GPC5: variants seen among roughly 807,000 people sequenced by gnomAD.
GPC5 encodes glypican-5.
Under a neutral mutation model 53.9 loss-of-function variants are expected in GPC5, and 47 were observed. The ratio of observed to expected loss-of-function variants is 0.87; its 90% confidence interval spans 0.69 to 1.11. The LOEUF (loss-of-function observed/expected upper bound fraction) is 1.11, where lower values mean the gene tolerates loss of function less well. GPC5 is among the 50% of genes most tolerant of loss of function. GPC5 has a pLI of 0.00. For synonymous variants in GPC5, 286 were observed against 263.3 expected (o/e 1.09, Z -0.84); for missense variants, 748 against 713.1 (o/e 1.05, Z -0.56).
At chr13:92,084,268 C>A (rs1271684470) in intron 6 of GPC5, among the ~76,000 whole-genome samples, 1 of 152,138 alleles carries the variant, frequency 6.6e-6, no homozygotes, top group Non-Finnish European at 1.5e-5. Context: ...CACATGTATC[C>A]CAGAACTTAA....
chr13:92,679,550 A>G (rs1225572379), intron 7 of GPC5, among the ~76,000 whole-genome samples: 1 of 152,192 alleles, frequency 6.6e-6, no homozygotes, highest in Admixed American at 6.5e-5. Context: ...ACTAATTTGC[A>G]TGAATTACTT....
rs1485081515 is a variant in GPC5 at position 92,749,203 on chromosome 13, G to C, written c.1562-117079G>C. 2.0e-5 allele frequency among the ~76,000 whole-genome samples: 3 copies of C among 152,090 alleles called. 1 individual carries two copies. In the South Asian group the frequency reaches 6.2e-4, roughly 32 times the overall value. ...TAACATAGCTTATTTAGACGAAATA[G>C]GTAAAATCCAAACAAATTTGGCAGA... On this transcript the variant is annotated intron_variant, in intron 7 of 7. Coordinates refer to ENST00000377067, the MANE Select transcript of GPC5 (RefSeq NM_004466.6).
At chr13:91,631,168 A>G (rs2034148331) in intron 2 of GPC5, among the ~76,000 whole-genome samples, 1 of 152,174 alleles carries the variant, frequency 6.6e-6, no homozygotes, top group Non-Finnish European at 1.5e-5. Flanking sequence ...TGGGTGACTT[A>G]AGGCCTTAGG....
intron 7 of GPC5, among the ~76,000 whole-genome samples, chr13:92,450,180 A>G (rs1430308534): frequency 3.3e-5 from 5 of 152,136 alleles, no homozygotes; most frequent in Admixed American, 6.6e-5. Context: ...GAAGATATAT[A>G]TATTCACTGG....
At chr13:92,370,670 G>A (rs1479678559) in intron 7 of GPC5, among the ~76,000 whole-genome samples, 1 of 152,078 alleles carries the variant, frequency 6.6e-6, no homozygotes, top group Non-Finnish European at 1.5e-5. Context: ...TTGTTTAGAT[G>A]TTTTACTCTT....
intron 2 of GPC5, among the ~76,000 whole-genome samples, chr13:91,598,783 C>T (rs1465835382): frequency 6.6e-6 from 1 of 151,924 alleles, no homozygotes; most frequent in African/African-American, 2.4e-5. Context: ...GAAATAGTGC[C>T]CCCTCCTCAT....
At chr13:92,682,997 G>T (rs888512436) in intron 7 of GPC5, among the ~76,000 whole-genome samples, 3 of 152,160 alleles carry the variant, frequency 2.0e-5, no homozygotes, top group Admixed American at 1.3e-4. Flanking sequence ...ACAAAACCCA[G>T]TGTAGTCAAG....
intron 6 of GPC5, among the ~76,000 whole-genome samples, chr13:92,015,178 G>T (rs2040695979): frequency 6.6e-6 from 1 of 152,090 alleles, no homozygotes; most frequent in African/African-American, 2.4e-5. Context: ...AGCAGTAGAG[G>T]CCAAGGATAT....
rs375442365 is a variant in GPC5 at position 91,623,107 on chromosome 13, A to G, written c.326-70080A>G. The stretch of plus-strand genomic sequence containing the variant: ...CTTTATATCTCTGTATCTGCCTGTC[A>G]TCTATCTCCATCTATACCTAAATGG... On this transcript the variant is annotated intron_variant, in intron 2 of 7. Coordinates refer to ENST00000377067, the MANE Select transcript of GPC5 (RefSeq NM_004466.6). 3.9e-5 allele frequency among the ~76,000 whole-genome samples: 6 copies of G among 152,276 alleles called. 1 individual carries two copies. The highest frequency in any genetic ancestry group is 1.4e-4 in the African/African-American group (6 of 41,566).
intron 7 of GPC5, among the ~76,000 whole-genome samples, chr13:92,613,407 T>A: frequency 5.4e-5 from 4 of 74,116 alleles, no homozygotes; most frequent in Non-Finnish European, 9.1e-5. Flanking sequence ...ATATATTATA[T>A]TATATATAAA....
At chr13:92,636,583 A>G (rs1029705530) in intron 7 of GPC5, among the ~76,000 whole-genome samples, 6 of 152,168 alleles carry the variant, frequency 3.9e-5, no homozygotes. Flanking sequence ...TATTAAGTGC[A>G]GGTCATAAGT....
intron 5 of GPC5, among the ~76,000 whole-genome samples, chr13:91,783,612 A>AT (rs901032245): frequency 6.7e-5 from 10 of 150,106 alleles, no homozygotes; most frequent in East Asian, 2.0e-4. Context: ...TTTTGTACAT[A>AT]TTTTTTTTTA....
intron 7 of GPC5, among the ~76,000 whole-genome samples, chr13:92,230,492 G>T (rs2139100028): frequency 6.6e-6 from 1 of 151,826 alleles, no homozygotes; most frequent in South Asian, 2.1e-4. Flanking sequence ...TTCTCTTTTT[G>T]CTATCACCAA....
intron 7 of GPC5, among the ~76,000 whole-genome samples, chr13:92,419,892 G>A (rs192366471): frequency 3.3e-4 from 50 of 151,964 alleles, no homozygotes; most frequent in African/African-American, 9.7e-4. Context: ...AAAGCATTTC[G>A]CACCTGAGGT....
At chr13:92,297,696 A>G (rs551778724) in intron 7 of GPC5, among the ~76,000 whole-genome samples, 2 of 152,118 alleles carry the variant, frequency 1.3e-5, no homozygotes, top group Non-Finnish European at 2.9e-5. Context: ...CTGACAAAAC[A>G]GGCCTCTCGG....
intron 7 of GPC5, among the ~76,000 whole-genome samples, chr13:92,237,300 A>T (rs771690936): frequency 6.6e-6 from 1 of 151,994 alleles, no homozygotes; most frequent in East Asian, 1.9e-4. Context: ...GCTCACTGCA[A>T]CCTCCGCCTC....
chr13:92,346,949 A>T (rs935230046), intron 7 of GPC5, among the ~76,000 whole-genome samples: 1 of 152,190 alleles, frequency 6.6e-6, no homozygotes, highest in Non-Finnish European at 1.5e-5. Context: ...AGCAGAAAAA[A>T]ATCAGTGAGC....
intron 7 of GPC5, among the ~76,000 whole-genome samples, chr13:92,795,019 A>C (rs992882061): frequency 2.6e-4 from 40 of 152,132 alleles, no homozygotes; most frequent in African/African-American, 9.4e-4. Flanking sequence ...TTCTTAACAG[A>C]ATTGGAAAAA....
intron 7 of GPC5, among the ~76,000 whole-genome samples, chr13:92,536,971 A>C (rs1881746135): frequency 6.6e-6 from 1 of 152,012 alleles, no homozygotes; most frequent in Non-Finnish European, 1.5e-5. Context: ...GTTCATATTT[A>C]TCAAAGAAAA....
Sources: gnomAD v4.1 joint callset for allele counts (sites outside exome capture counted in the v4.1 genomes callset) on GRCh38, gnomAD v4.1.1 for gene constraint, MANE v1.5 for transcripts, NCBI Gene and HGNC (gene_info 2026-07-23, HGNC 2026-07-21) for gene names.